Variants in SYNPR observed in about 807,000 individuals in gnomAD.
The protein encoded by SYNPR is synaptoporin.
A neutral mutation model predicts 32.9 loss-of-function variants in SYNPR; 23 were observed. The observed-to-expected ratio is 0.70, with a 90% confidence interval of 0.50 to 0.99. The LOEUF is 0.99. Ranked by LOEUF, SYNPR falls within the 50% of genes least tolerant of loss-of-function variation. The pLI, the probability that SYNPR is intolerant of heterozygous loss-of-function variation, is 0.00. For synonymous variants in SYNPR, 146 were observed against 135.9 expected (o/e 1.07, Z -0.52); for missense variants, 318 against 349.3 (o/e 0.91, Z 0.71).
chr3:63,260,969 T>C (rs2086432428), intron 2 of SYNPR, among the ~76,000 whole-genome samples: 1 of 151,950 alleles, frequency 6.6e-6, no homozygotes, highest in South Asian at 2.1e-4. Flanking sequence ...GAAAAAATGC[T>C]CATCATCACT....
intron 2 of SYNPR, among the ~76,000 whole-genome samples, chr3:63,476,111 G>GAGAA (rs1700898298): frequency 1.5e-5 from 1 of 67,714 alleles, no homozygotes; most frequent in Non-Finnish European, 2.6e-5. Context: ...AGGGAGGGGG[G>GAGAA]AGGAAGGAAG....
rs1559546480 is a variant in SYNPR at position 63,595,861 on chromosome 3, TTATATATATATAATTTTA to T, written c.409-13253_409-13236del. 6.7e-4 allele frequency among the ~76,000 whole-genome samples: 46 copies of T among 69,114 alleles called. 1 individual carries two copies. The highest frequency in any genetic ancestry group is 6.8e-3 in the Middle Eastern group (1 of 148). 45.3% of individuals were successfully genotyped at this position (69,114 alleles called of 152,430 possible). On this transcript the variant is annotated intron_variant, in intron 4 of 5. Transcript: ENST00000478300. ...TATATATAGTTTTATATATATATAG[TTATATATATATAATTTTA>T]TATATATATAGTTTTATATATATAG...
chr3:63,369,815 C>T (rs1246914500), intron 2 of SYNPR, among the ~76,000 whole-genome samples: 2 of 152,174 alleles, frequency 1.3e-5, no homozygotes, highest in African/African-American at 2.4e-5. Context: ...ATTTTTAGAA[C>T]ATTTTTAGAC....
chr3:63,460,848 C>A (rs960265329), intron 2 of SYNPR, among the ~76,000 whole-genome samples: 2 of 151,986 alleles, frequency 1.3e-5, no homozygotes, highest in African/African-American at 4.8e-5. Flanking sequence ...TGTTTGGGGG[C>A]AAGGCTGGAG....
chr3:63,544,816 G>C (rs1702371691), intron 3 of SYNPR, among the ~76,000 whole-genome samples: 3 of 151,834 alleles, frequency 2.0e-5, no homozygotes, highest in Admixed American at 2.0e-4. Flanking sequence ...ACCTGTAATT[G>C]TCAATTACAT....
intron 2 of SYNPR, among the ~76,000 whole-genome samples, chr3:63,433,587 T>C (rs1435046937): frequency 6.6e-6 from 1 of 152,174 alleles, no homozygotes; most frequent in Non-Finnish European, 1.5e-5. Flanking sequence ...TAACTGTACT[T>C]AGTACTGCAC....
chr3:63,292,712 A>C (rs1351998089), intron 2 of SYNPR, among the ~76,000 whole-genome samples: 2 of 152,250 alleles, frequency 1.3e-5, no homozygotes, highest in Non-Finnish European at 2.9e-5. Flanking sequence ...CTTTTACTGC[A>C]AAACTTTGCA....
chr3:63,378,393 C>T (rs2087920777), intron 2 of SYNPR, among the ~76,000 whole-genome samples: 1 of 151,940 alleles, frequency 6.6e-6, no homozygotes, highest in South Asian at 2.1e-4. Flanking sequence ...TGCTCTGCCA[C>T]CATTCATTGA....
Position 63,615,613 on chromosome 3 carries a change from A to G in SYNPR, c.*132A>G. The stretch of plus-strand genomic sequence containing the variant: ...TGTAAATCAGAGCTCTCTAGTCTTC[A>G]TTAAGGCAGCAAGTCCTGGGTTGTG... On this transcript the variant is annotated 3_prime_UTR_variant, in exon 6 of 6. Coordinates refer to ENST00000478300, the MANE Select transcript of SYNPR (RefSeq NM_001130003.2). The G allele has an allele frequency of 8.0e-7, 1 of 1,244,912 alleles. No individual in the cohort carries two copies. Among genetic ancestry groups the G allele is most frequent in the Non-Finnish European group, 1.1e-6 (1 of 915,042 alleles). 77.1% of individuals were successfully genotyped at this position (1,244,912 alleles called of 1,614,324 possible).
At chr3:63,234,622 T>C (rs1299697113) in intron 1 of SYNPR, among the ~76,000 whole-genome samples, 3 of 152,210 alleles carry the variant, frequency 2.0e-5, no homozygotes, top group African/African-American at 7.2e-5. Flanking sequence ...TCTGGTGTGC[T>C]GCCCCTGTGT....
chr3:63,425,780 C>CT (rs556889581), intron 2 of SYNPR, among the ~76,000 whole-genome samples: 26,564 of 136,756 alleles, frequency 0.19, 2,555 homozygotes, highest in Non-Finnish European at 0.2. Context: ...TGGAAATAGA[C>CT]TTTTTTTTTT....
chr3:63,273,971 T>G (rs2086555680), upstream of SYNPR, among the ~76,000 whole-genome samples: 3 of 152,234 alleles, frequency 2.0e-5, no homozygotes, highest in Admixed American at 2.0e-4. Context: ...AGTGGCCCTA[T>G]GCAAGATCAA....
chr3:63,548,010 C>T (rs1043537852), intron 3 of SYNPR, among the ~76,000 whole-genome samples: 3 of 152,120 alleles, frequency 2.0e-5, no homozygotes, highest in African/African-American at 4.8e-5. Flanking sequence ...ATAGCATCAC[C>T]GAATACCATG....
chr3:63,501,616 G>A (rs567646770), intron 3 of SYNPR, among the ~76,000 whole-genome samples: 36 of 152,090 alleles, frequency 2.4e-4, no homozygotes, highest in Admixed American at 1.8e-3. Context: ...TAAATATGAT[G>A]AGCCTTTGCT....
intron 4 of SYNPR, among the ~76,000 whole-genome samples, chr3:63,564,749 G>A (rs988173204): frequency 5.9e-5 from 9 of 152,020 alleles, no homozygotes; most frequent in East Asian, 1.9e-4. Context: ...GCTTTTTAAC[G>A]ATTAGTGAAT....
intron 3 of SYNPR, among the ~76,000 whole-genome samples, chr3:63,522,584 G>T (rs1384297336): frequency 6.6e-6 from 1 of 152,112 alleles, no homozygotes; most frequent in Non-Finnish European, 1.5e-5. Context: ...CAGTCCCAAA[G>T]GTTGCAATAG....
chr3:63,365,835 A>G (rs747659082), intron 2 of SYNPR, among the ~76,000 whole-genome samples: 1 of 152,242 alleles, frequency 6.6e-6, no homozygotes, highest in Non-Finnish European at 1.5e-5. Flanking sequence ...TCAGCTGAAA[A>G]GCAATGTGAA....
intron 1 of SYNPR, among the ~76,000 whole-genome samples, chr3:63,235,052 C>A (rs548459465): frequency 6.6e-6 from 1 of 152,262 alleles, no homozygotes; most frequent in East Asian, 1.9e-4. Context: ...ATCTACTTAT[C>A]AAGATTTTCC....
chr3:63,483,444 T>C (rs1180881388), intron 3 of SYNPR, among the ~76,000 whole-genome samples: 2 of 152,212 alleles, frequency 1.3e-5, no homozygotes, highest in Admixed American at 6.5e-5. Context: ...TGTATGTATA[T>C]GTGTGTAAAA....
Sources: gnomAD v4.1 joint callset for allele counts (sites outside exome capture counted in the v4.1 genomes callset) on GRCh38, gnomAD v4.1.1 for gene constraint, MANE v1.5 for transcripts, NCBI Gene and HGNC (gene_info 2026-07-23, HGNC 2026-07-21) for gene names.